Variants in STXBP5L observed in about 807,000 individuals in gnomAD.
STXBP5L encodes syntaxin binding protein 5L, also known as syntaxin-binding protein 5-like.
STXBP5L carries 65 observed loss-of-function variants against 144.5 expected under a neutral mutation model. That is an observed-to-expected ratio of 0.45 (90% confidence interval 0.37 to 0.55). The LOEUF (loss-of-function observed/expected upper bound fraction) is 0.55, where lower values mean the gene tolerates loss of function less well. STXBP5L is among the 20% of genes least tolerant of loss of function. The probability of loss-of-function intolerance (pLI) is 0.00; values close to 1 mark genes in which losing one functional copy is unlikely to be tolerated. For missense variants in STXBP5L, 1,298 were observed against 1,405.5 expected, an observed-to-expected ratio of 0.92 and a Z score of 1.22; for synonymous variants, 505 against 469.6, an observed-to-expected ratio of 1.08 and a Z score of -0.97.
At chr3:121,038,819 C>G (rs145491072) in intron 3 of STXBP5L, among the ~76,000 whole-genome samples, 1 of 151,510 alleles carries the variant, frequency 6.6e-6, no homozygotes, top group African/African-American at 2.4e-5. Flanking sequence ...AATAATTTAA[C>G]CCATTTATTA....
intron 3 of STXBP5L, among the ~76,000 whole-genome samples, chr3:121,030,834 G>A (rs531653552): frequency 6.6e-6 from 1 of 152,046 alleles, no homozygotes; most frequent in South Asian, 2.1e-4. Flanking sequence ...AAATTCAATG[G>A]CTTTTTAAAC....
At chr3:121,376,685 CTT>C (rs1001629807) in intron 20 of STXBP5L, among the ~76,000 whole-genome samples, 2 of 152,130 alleles carry the variant, frequency 1.3e-5, no homozygotes, top group Non-Finnish European at 2.9e-5. Context: ...CAGCTTTGTT[CTT>C]TTGGCTTAGG....
At chr3:121,356,233 G>T (rs1034128560) in intron 20 of STXBP5L, among the ~76,000 whole-genome samples, 10 of 152,238 alleles carry the variant, frequency 6.6e-5, no homozygotes, top group Non-Finnish European at 1.3e-4. Flanking sequence ...AGAGCTATCA[G>T]ACAGGGACAT....
intron 7 of STXBP5L, 74 bp from the exon 8 acceptor site, chr3:121,152,403 A>T: frequency 1.8e-6 from 2 of 1,102,422 alleles, no homozygotes; most frequent in Non-Finnish European, 2.6e-6. Context: ...TTACTTTATT[A>T]ACATTAAACT....
intron 5 of STXBP5L, among the ~76,000 whole-genome samples, chr3:121,104,158 C>G (rs748432268): frequency 9.2e-5 from 14 of 152,020 alleles, no homozygotes; most frequent in Non-Finnish European, 2.1e-4. Flanking sequence ...TTTTTCTTGC[C>G]TGATCCAGGC....
chr3:120,983,924 G>A (rs1403665929), intron 3 of STXBP5L, among the ~76,000 whole-genome samples: 2 of 152,162 alleles, frequency 1.3e-5, no homozygotes, highest in Non-Finnish European at 2.9e-5. Context: ...GCTGCATCTG[G>A]CCAGCCATTT....
At chr3:121,001,045 G>C (rs916747871) in intron 3 of STXBP5L, among the ~76,000 whole-genome samples, 1 of 152,176 alleles carries the variant, frequency 6.6e-6, no homozygotes, top group African/African-American at 2.4e-5. Flanking sequence ...CAATGATACT[G>C]CATTGGTGGA....
intron 18 of STXBP5L, among the ~76,000 whole-genome samples, chr3:121,265,098 T>TG (rs1311467125): frequency 2.0e-5 from 3 of 152,182 alleles, no homozygotes; most frequent in Non-Finnish European, 4.4e-5. Context: ...ATTCTGGACT[T>TG]GAACTCAGCT....
chr3:121,199,203 T>C (rs367751128), intron 9 of STXBP5L, among the ~76,000 whole-genome samples: 1 of 152,178 alleles, frequency 6.6e-6, no homozygotes, highest in Non-Finnish European at 1.5e-5. Context: ...TTACGTCCCT[T>C]GTAAGTTGTA....
Position 121,418,318 on chromosome 3 carries a change from C to CTATTGCAT in STXBP5L, c.3227-18_3227-11dup, listed in dbSNP as rs781366823. 3 of 1,605,402 alleles carry CTATTGCAT rather than the reference C, an allele frequency of 1.9e-6. No individual in the cohort carries two copies. The East Asian group carries it at 6.7e-5, about 36-fold the overall frequency. ...ATTACTGACAAAATGTTTTAAATTG[C>CTATTGCAT]TATTGCATATATTCTCAGTTGGGGA... On this transcript the variant is annotated intron_variant, in intron 25 of 26. Coordinates refer to ENST00000471454, the MANE Select transcript of STXBP5L (RefSeq NM_001308330.2).
At chr3:121,367,968 A>C (rs1322394883) in intron 20 of STXBP5L, among the ~76,000 whole-genome samples, 1 of 151,688 alleles carries the variant, frequency 6.6e-6, no homozygotes, top group Non-Finnish European at 1.5e-5. Flanking sequence ...TTTTGAGTTT[A>C]TCTTCCTTGG....
rs1481561117 is a variant in STXBP5L, at chr3:121,038,048, A to T, written c.288-3652A>T. On this transcript the variant is annotated intron_variant, in intron 3 of 26. Transcript: ENST00000471454. ...TGTGTACTTTCTTTTTACCTTGATC[A>T]CTCTGGCGGAAGGTTTATTAATTTC... Among the ~76,000 whole-genome samples the T allele has an allele frequency of 4.0e-5, 6 of 151,570 alleles. No individual in the cohort carries two copies. In the South Asian group the frequency reaches 6.2e-4, roughly 16 times the overall value.
intron 19 of STXBP5L, among the ~76,000 whole-genome samples, chr3:121,313,270 C>T (rs1363145676): frequency 6.9e-6 from 1 of 145,220 alleles, no homozygotes; most frequent in Non-Finnish European, 1.5e-5. Flanking sequence ...AGAGGGGCTC[C>T]TCACTTCCCA....
chr3:121,279,498 T>C (rs2108438628), intron 18 of STXBP5L, among the ~76,000 whole-genome samples: 1 of 152,018 alleles, frequency 6.6e-6, no homozygotes, highest in Middle Eastern at 3.4e-3. Context: ...AAAGGTTTTG[T>C]GTGATTCTTC....
intron 19 of STXBP5L, among the ~76,000 whole-genome samples, chr3:121,309,185 A>T (rs892649339): frequency 6.6e-6 from 1 of 152,128 alleles, no homozygotes; most frequent in Non-Finnish European, 1.5e-5. Flanking sequence ...GTGATTAAAC[A>T]ATCCAATCAA....
chr3:121,384,350 T>G (rs1486117292), intron 22 of STXBP5L, among the ~76,000 whole-genome samples: 1 of 152,026 alleles, frequency 6.6e-6, no homozygotes. Context: ...TGGGAGGAAG[T>G]GTACAGTACT....
chr3:120,980,451 A>G (rs1440895517), intron 3 of STXBP5L, among the ~76,000 whole-genome samples: 1 of 128,450 alleles, frequency 7.8e-6, no homozygotes, highest in Non-Finnish European at 1.6e-5. Flanking sequence ...ATCACCATAT[A>G]ATGTCCTGCT....
intron 18 of STXBP5L, among the ~76,000 whole-genome samples, chr3:121,266,717 T>C (rs1011804669): frequency 6.6e-6 from 1 of 152,186 alleles, no homozygotes; most frequent in African/African-American, 2.4e-5. Flanking sequence ...TGATTGTATA[T>C]TTAGAAAACC....
At chr3:121,253,587 A>G (rs1302468291) in intron 15 of STXBP5L, among the ~76,000 whole-genome samples, 2 of 149,524 alleles carry the variant, frequency 1.3e-5, no homozygotes, top group African/African-American at 2.4e-5. Flanking sequence ...ATTTATATAT[A>G]TACATATATA....
Sources: gnomAD v4.1 joint callset for allele counts (sites outside exome capture counted in the v4.1 genomes callset) on GRCh38, gnomAD v4.1.1 for gene constraint, MANE v1.5 for transcripts, NCBI Gene and HGNC (gene_info 2026-07-23, HGNC 2026-07-21) for gene names.